NALF1: variants seen among roughly 807,000 people sequenced by gnomAD.
NALF1 encodes NALCN channel auxiliary factor 1.
In NALF1, 3 loss-of-function variants were observed where a neutral mutation model predicts 48.4. That is an observed-to-expected ratio of 0.06 (90% confidence interval 0.03 to 0.16). The LOEUF is 0.16. NALF1 is among the 10% of genes least tolerant of loss of function. NALF1 has a pLI of 1.00. For missense variants in NALF1, 526 were observed against 571.5 expected, an observed-to-expected ratio of 0.92 and a Z score of 0.81; for synonymous variants, 262 against 245.7, an observed-to-expected ratio of 1.07 and a Z score of -0.62.
At chr13:107,247,307 GTCTAGTATCC>G (rs1880604560) in intron 1 of NALF1, among the ~76,000 whole-genome samples, 1 of 152,132 alleles carries the variant, frequency 6.6e-6, no homozygotes. Flanking sequence ...TTAAAAATGT[GTCTAGTATCC>G]TCTATTAGAA....
At chr13:107,645,306 A>C (rs969513021) in intron 1 of NALF1, among the ~76,000 whole-genome samples, 2 of 152,238 alleles carry the variant, frequency 1.3e-5, no homozygotes, top group Admixed American at 6.5e-5. Context: ...TAGAAGTATC[A>C]AAGTGTTTTT....
At chr13:107,391,868 T>C (rs1341251784) in intron 1 of NALF1, among the ~76,000 whole-genome samples, 2 of 152,132 alleles carry the variant, frequency 1.3e-5, no homozygotes, top group Non-Finnish European at 2.9e-5. Context: ...AGCTGTACCC[T>C]GACCACCTTG....
In NALF1 at chr13:107,475,338, T is replaced by G. The variant is rs1159895166; in HGVS notation, c.916-264583A>C. On this transcript the variant is annotated intron_variant, in intron 1 of 2. Coordinates refer to ENST00000375915, the MANE Select transcript of NALF1 (RefSeq NM_001080396.3). ...GACAGCACATTACTGTATTTTATAC[T>G]ATCTTCTAGAAACTGTACTTTGAAG... 2.0e-5 allele frequency among the ~76,000 whole-genome samples: 3 copies of G among 152,226 alleles called. No homozygotes were observed. In the East Asian group the frequency reaches 5.8e-4, roughly 29 times the overall value.
intron 1 of NALF1, among the ~76,000 whole-genome samples, chr13:107,633,120 A>C (rs1879878361): frequency 6.6e-6 from 1 of 152,128 alleles, no homozygotes; most frequent in Non-Finnish European, 1.5e-5. Flanking sequence ...AAGAGAAAGA[A>C]TGTCTGAAGA....
chr13:107,449,465 G>A (rs950063862), intron 1 of NALF1, among the ~76,000 whole-genome samples: 3 of 152,088 alleles, frequency 2.0e-5, no homozygotes, highest in Non-Finnish European at 4.4e-5. Context: ...GTATTTGGAC[G>A]ACAAAAGAGA....
chr13:107,632,291 C>T (rs1723316829), intron 1 of NALF1, among the ~76,000 whole-genome samples: 1 of 152,100 alleles, frequency 6.6e-6, no homozygotes, highest in African/African-American at 2.4e-5. Flanking sequence ...TTCATCTCTG[C>T]CTTTACGTCC....
At chr13:107,857,263 A>T (rs1014386709) in intron 1 of NALF1, among the ~76,000 whole-genome samples, 1 of 152,194 alleles carries the variant, frequency 6.6e-6, no homozygotes, top group African/African-American at 2.4e-5. Context: ...AAAAATACTA[A>T]CTATGGCTGA....
intron 1 of NALF1, among the ~76,000 whole-genome samples, chr13:107,301,255 G>T (rs972461514): frequency 6.6e-6 from 1 of 152,124 alleles, no homozygotes; most frequent in African/African-American, 2.4e-5. Flanking sequence ...CATGGATTTA[G>T]TCATTTGTGT....
chr13:107,505,686 AGCTTGAAGT>A (rs1035561694), intron 1 of NALF1, among the ~76,000 whole-genome samples: 1 of 152,194 alleles, frequency 6.6e-6, no homozygotes, highest in Non-Finnish European at 1.5e-5. Flanking sequence ...GCATGTGCAA[AGCTTGAAGT>A]GCCTCTTACG....
chr13:107,213,912 C>A (rs760644472), intron 1 of NALF1, among the ~76,000 whole-genome samples: 21 of 152,098 alleles, frequency 1.4e-4, no homozygotes, highest in South Asian at 2.1e-4. Flanking sequence ...TGAGAAACGG[C>A]CAGGTGCCAA....
rs928131624 is a variant in NALF1, at chr13:107,318,694, C to A, written c.916-107939G>T. Reference sequence around the variant, plus strand: ...CACACCCTTTGCCCCAACGATTCTACTTTTACTAATTTTTCCTACAAATGT... The same window carrying A: ...CACACCCTTTGCCCCAACGATTCTAATTTTACTAATTTTTCCTACAAATGT... On this transcript the variant is annotated intron_variant, in intron 1 of 2. Transcript: ENST00000375915. Among the ~76,000 whole-genome samples the A allele has an allele frequency of 9.2e-5, 14 of 152,192 alleles. No homozygotes were observed. In the South Asian group the frequency reaches 1.2e-3, roughly 14 times the overall value.
intron 1 of NALF1, among the ~76,000 whole-genome samples, chr13:107,553,470 G>A (rs1436926643): frequency 6.6e-6 from 1 of 152,146 alleles, no homozygotes; most frequent in Non-Finnish European, 1.5e-5. Flanking sequence ...TTATAAGAGA[G>A]TATTTACATG....
chr13:107,761,951 G>A (rs1877275364), intron 1 of NALF1, among the ~76,000 whole-genome samples: 1 of 152,146 alleles, frequency 6.6e-6, no homozygotes, highest in Admixed American at 6.5e-5. Context: ...TACATAATAA[G>A]TGCTATGTAA....
chr13:107,713,169 T>C (rs1234340478), intron 1 of NALF1, among the ~76,000 whole-genome samples: 40 of 152,174 alleles, frequency 2.6e-4, no homozygotes, highest in Non-Finnish European at 1.5e-5. Context: ...CTTAAATGGA[T>C]CTTTTAGTTT....
intron 1 of NALF1, among the ~76,000 whole-genome samples, chr13:107,534,636 T>C (rs1876747780): frequency 6.6e-6 from 1 of 152,266 alleles, no homozygotes; most frequent in Middle Eastern, 3.4e-3. Flanking sequence ...TCCTACATTT[T>C]AGCTGAGGAA....
chr13:107,786,390 T>G (rs1408051776), intron 1 of NALF1, among the ~76,000 whole-genome samples: 3 of 115,562 alleles, frequency 2.6e-5, no homozygotes, highest in Non-Finnish European at 1.6e-5. Context: ...CACTCCAGCC[T>G]GGGCAACAAG....
At chr13:107,539,386 A>G (rs1876933537) in intron 1 of NALF1, among the ~76,000 whole-genome samples, 1 of 151,942 alleles carries the variant, frequency 6.6e-6, no homozygotes, top group Non-Finnish European at 1.5e-5. Flanking sequence ...TGAAACATGA[A>G]TCCATTGAAG....
intron 1 of NALF1, among the ~76,000 whole-genome samples, chr13:107,645,342 G>T (rs958308721): frequency 1.3e-5 from 2 of 151,986 alleles, no homozygotes; most frequent in Non-Finnish European, 1.5e-5. Context: ...TGATGACCCT[G>T]GTAGCCAGAA....
At chr13:107,385,654 A>C (rs1883518215) in intron 1 of NALF1, among the ~76,000 whole-genome samples, 1 of 152,132 alleles carries the variant, frequency 6.6e-6, no homozygotes, top group Non-Finnish European at 1.5e-5. Flanking sequence ...AATTAATTAC[A>C]CTGAAAGTTT....
Sources: allele counts gnomAD v4.1 joint callset (sites outside exome capture counted in the v4.1 genomes callset), GRCh38; gene constraint gnomAD v4.1.1; transcripts MANE v1.5; gene names NCBI Gene and HGNC (gene_info 2026-07-23, HGNC 2026-07-21).